Variants in NECTIN3 observed in about 807,000 individuals in gnomAD.
The protein encoded by NECTIN3 is nectin-3.
In NECTIN3, 8 loss-of-function variants were observed where a neutral mutation model predicts 49.4. The observed-to-expected ratio is 0.16, with a 90% CI of 0.10 to 0.29. The LOEUF is 0.29. NECTIN3 is among the 10% of genes least tolerant of loss of function. The probability of loss-of-function intolerance (pLI) is 1.00; values close to 1 mark genes in which losing one functional copy is unlikely to be tolerated. For missense variants in NECTIN3, 581 were observed against 654.6 expected (o/e 0.89, Z 1.23); for synonymous variants, 277 against 241.1 (o/e 1.15, Z -1.38).
intron 7 of NECTIN3, among the ~76,000 whole-genome samples, chr3:111,153,952 G>A (rs1183795928): frequency 6.6e-6 from 1 of 152,126 alleles, no homozygotes; most frequent in African/African-American, 2.4e-5. Flanking sequence ...GGCAGTACCT[G>A]TGATGACAGC....
chr3:111,128,211 C>T (rs2034244430), intron 5 of NECTIN3, among the ~76,000 whole-genome samples: 1 of 151,766 alleles, frequency 6.6e-6, no homozygotes, highest in African/African-American at 2.4e-5. Context: ...GTGGTATGCG[C>T]CTGTGATCCC....
At chr3:111,166,829 A>T (rs2035327258) in intron 7 of NECTIN3, among the ~76,000 whole-genome samples, 1 of 152,132 alleles carries the variant, frequency 6.6e-6, no homozygotes, top group Non-Finnish European at 1.5e-5. Flanking sequence ...TTTATCACTA[A>T]AACTATATAC....
At chr3:111,153,261 G>GA (rs1362380495) in intron 7 of NECTIN3, among the ~76,000 whole-genome samples, 1 of 151,474 alleles carries the variant, frequency 6.6e-6, no homozygotes, top group Non-Finnish European at 1.5e-5. Flanking sequence ...CTCTGAGGTG[G>GA]AAAAAAAATT....
chr3:111,187,018 A>G (rs1365146193), intron 7 of NECTIN3, among the ~76,000 whole-genome samples: 3 of 152,170 alleles, frequency 2.0e-5, no homozygotes, highest in Non-Finnish European at 4.4e-5. Flanking sequence ...ACTTTTTTAA[A>G]GAAATACCAA....
intron 1 of NECTIN3, chr3:111,072,747 G>C: frequency 1.5e-6 from 1 of 650,446 alleles, no homozygotes; most frequent in Non-Finnish European, 2.6e-6. Flanking sequence ...AGCTTCTGGA[G>C]CTCTCTAGAT....
chr3:111,102,316 C>T (rs1231424037), intron 1 of NECTIN3, among the ~76,000 whole-genome samples: 1 of 152,170 alleles, frequency 6.6e-6, no homozygotes, highest in Non-Finnish European at 1.5e-5. Flanking sequence ...TCCACCTCAC[C>T]CCACTTAGTA....
Position 111,134,999 on chromosome 3 carries a change from A to G in NECTIN3, c.*784A>G, listed in dbSNP as rs1409529587. ...AGTTTTTTTTTTTCCTTTCTGGAACATGGATTTTGGTACATTAGCAGTAGC... is the reference window on the plus strand; with the variant it reads ...AGTTTTTTTTTTTCCTTTCTGGAACGTGGATTTTGGTACATTAGCAGTAGC... On this transcript the variant is annotated 3_prime_UTR_variant, in exon 6 of 6. Transcript: ENST00000485303. 4.1e-6 allele frequency: 4 copies of G among 978,780 alleles called. No homozygotes were observed. The highest frequency in any genetic ancestry group is 5.2e-4 in the Middle Eastern group (1 of 1,922). 60.6% of individuals were successfully genotyped at this position (978,780 alleles called of 1,614,324 possible).
intron 7 of NECTIN3, among the ~76,000 whole-genome samples, chr3:111,154,767 G>A (rs1379289223): frequency 6.6e-6 from 1 of 151,900 alleles, no homozygotes; most frequent in Non-Finnish European, 1.5e-5. Context: ...TCATTTGCTG[G>A]TTTGTCATCA....
At chr3:111,150,332 A>C (rs1305824457) in intron 7 of NECTIN3, among the ~76,000 whole-genome samples, 2 of 151,992 alleles carry the variant, frequency 1.3e-5, no homozygotes, top group African/African-American at 4.8e-5. Context: ...TTTTCACAGT[A>C]GTTATCTGTC....
chr3:111,105,673 G>A (rs569806263), intron 1 of NECTIN3, among the ~76,000 whole-genome samples: 4 of 152,050 alleles, frequency 2.6e-5, no homozygotes, highest in African/African-American at 9.7e-5. Context: ...TTTCTGATTT[G>A]GAATTTATTT....
At chr3:111,119,744 G>T (rs1289210679) in intron 3 of NECTIN3, among the ~76,000 whole-genome samples, 1 of 152,174 alleles carries the variant, frequency 6.6e-6, no homozygotes, top group African/African-American at 2.4e-5. Flanking sequence ...TAAAAAAGGT[G>T]ATGGCTGCAG....
At chr3:111,078,874 A>G (rs773866505) in intron 1 of NECTIN3, among the ~76,000 whole-genome samples, 9 of 152,096 alleles carry the variant, frequency 5.9e-5, no homozygotes, top group Non-Finnish European at 1.2e-4. Flanking sequence ...TATATTATTT[A>G]CCTGTCTAGC....
intron 2 of NECTIN3, among the ~76,000 whole-genome samples, chr3:111,113,554 C>T (rs1287623561): frequency 6.6e-6 from 1 of 152,070 alleles, no homozygotes; most frequent in Non-Finnish European, 1.5e-5. Context: ...ATATTTGAGG[C>T]TTAGTATATT....
Position 111,118,664 on chromosome 3 carries a change from A to G in NECTIN3, c.511A>G (p.Thr171Ala), listed in dbSNP as rs143940513. Residue 171 changes from threonine (T) to alanine (A), a missense_variant, in exon 3 of 6, where the codon ACT (threonine) becomes GCT (alanine). Thr to Ala is a moderately conservative substitution (Grantham distance 58, BLOSUM62 0). Transcript: ENST00000485303. ...AAAAAATATTTAAACAGTTGAACCC[A>G]CTGTGAGCCTGATAAAAGGGCCAGA... ...STTVTVLVEP[T>A]VSLIKGPDSL... 32 of 1,593,920 alleles carry G rather than the reference A, an allele frequency of 2.0e-5. No individual in the cohort carries two copies. The African/African-American group carries it at 4.1e-4, about 20-fold the overall frequency.
chr3:111,136,259 G>C lies in NECTIN3; in HGVS notation c.*2044G>C. On this transcript the variant is annotated 3_prime_UTR_variant, in exon 6 of 6. Coordinates refer to ENST00000485303, the MANE Select transcript of NECTIN3 (RefSeq NM_015480.3). ...ATCTCAACTGGAGTATAATCTGAAG[G>C]AAATTAGCAGTGTATTTTAAGAAAT... The C allele has an allele frequency of 1.0e-6, 1 of 962,900 alleles. No homozygotes were observed. Among genetic ancestry groups the C allele is most frequent in the Non-Finnish European group, 1.2e-6 (1 of 809,780 alleles). The allele number at this position is 962,900 out of a possible 1,614,324, so 59.6% of individuals were successfully genotyped here.
chr3:111,085,695 G>A (rs957345883), intron 1 of NECTIN3, among the ~76,000 whole-genome samples: 5 of 151,226 alleles, frequency 3.3e-5, no homozygotes, highest in Non-Finnish European at 7.4e-5. Context: ...GTTGCATGTA[G>A]CAGTATTTTT....
At chr3:111,151,300 A>G (rs781139596) in intron 7 of NECTIN3, among the ~76,000 whole-genome samples, 1 of 151,850 alleles carries the variant, frequency 6.6e-6, no homozygotes, top group African/African-American at 2.4e-5. Flanking sequence ...GCCCTTTTTT[A>G]TATTCTCTTC....
chr3:111,131,884 T>C (rs1167746899), intron 5 of NECTIN3, among the ~76,000 whole-genome samples: 1 of 151,878 alleles, frequency 6.6e-6, no homozygotes, highest in East Asian at 1.9e-4. Context: ...TATAAATAAT[T>C]AGATGATTTT....
At chr3:111,117,615 A>T (rs2033743151) in intron 2 of NECTIN3, among the ~76,000 whole-genome samples, 1 of 152,230 alleles carries the variant, frequency 6.6e-6, no homozygotes, top group East Asian at 1.9e-4. Context: ...AATAGGTTTC[A>T]AAGTAAAATA....
Sources: allele counts gnomAD v4.1 joint callset (sites outside exome capture counted in the v4.1 genomes callset), GRCh38; gene constraint gnomAD v4.1.1; transcripts MANE v1.5; gene names NCBI Gene and HGNC (gene_info 2026-07-23, HGNC 2026-07-21).